ZNF804A: variants seen among roughly 807,000 people sequenced by gnomAD.
The protein encoded by ZNF804A is zinc finger protein 804A.
A neutral mutation model predicts 16.5 loss-of-function variants in ZNF804A; 2 were observed. That is an observed-to-expected ratio of 0.12 (90% CI 0.05 to 0.38). The LOEUF (loss-of-function observed/expected upper bound fraction) is 0.38. ZNF804A is among the 10% of genes least tolerant of loss of function. ZNF804A has a pLI of 0.99. For synonymous variants in ZNF804A, 534 were observed against 489.6 expected, an observed-to-expected ratio of 1.09 and a Z score of -1.20; for missense variants, 1,473 against 1,390.7, an observed-to-expected ratio of 1.06 and a Z score of -0.94.
intron 1 of ZNF804A, among the ~76,000 whole-genome samples, chr2:184,823,185 G>A (rs1695108528): frequency 1.3e-5 from 2 of 152,138 alleles, no homozygotes; most frequent in South Asian, 4.1e-4. Context: ...CTCTGGAGGG[G>A]AGGATTACAG....
intron 1 of ZNF804A, among the ~76,000 whole-genome samples, chr2:184,820,685 A>G (rs563418305): frequency 6.6e-6 from 1 of 152,232 alleles, no homozygotes; most frequent in Admixed American, 6.6e-5. Context: ...TTCAGCCCAG[A>G]AGCTTCTTAA....
rs922643337 is a variant in ZNF804A, at chr2:184,857,650, C to T, written c.112-8719C>T. Reference sequence around the variant, plus strand: ...ATTTAATATTAGTTTTATGTATTTACACACTACAATATTTATATGTTTATA... The same window carrying T: ...ATTTAATATTAGTTTTATGTATTTATACACTACAATATTTATATGTTTATA... On this transcript the variant is annotated intron_variant, in intron 1 of 3. Coordinates refer to ENST00000302277, the MANE Select transcript of ZNF804A (RefSeq NM_194250.2). Among the ~76,000 whole-genome samples the T allele has an allele frequency of 3.3e-5, 5 of 152,198 alleles. No homozygotes were observed. The South Asian group carries it at 6.2e-4, about 19-fold the overall frequency.
intron 1 of ZNF804A, among the ~76,000 whole-genome samples, chr2:184,863,455 A>G (rs1452723487): frequency 6.6e-6 from 1 of 152,046 alleles, no homozygotes; most frequent in Non-Finnish European, 1.5e-5. Flanking sequence ...GAAGAATGCA[A>G]TTTGACCAAG....
At chr2:184,706,934 T>C (rs207462716) in intron 1 of ZNF804A, among the ~76,000 whole-genome samples, 1 of 152,216 alleles carries the variant, frequency 6.6e-6, no homozygotes, top group Non-Finnish European at 1.5e-5. Flanking sequence ...AGTTTATATG[T>C]GTATTTCAAT....
chr2:184,827,067 T>C (rs1208980154), intron 1 of ZNF804A, among the ~76,000 whole-genome samples: 1 of 151,936 alleles, frequency 6.6e-6, no homozygotes, highest in Non-Finnish European at 1.5e-5. Flanking sequence ...AGTTAAGATC[T>C]CTAAATATCT....
At chr2:184,877,993 C>T (rs944042380) in intron 2 of ZNF804A, among the ~76,000 whole-genome samples, 3 of 152,084 alleles carry the variant, frequency 2.0e-5, no homozygotes, top group Non-Finnish European at 4.4e-5. Context: ...TACAAAGATA[C>T]AAAGAAAGTA....
At chr2:184,857,682 T>C (rs1319740102) in intron 1 of ZNF804A, among the ~76,000 whole-genome samples, 1 of 152,220 alleles carries the variant, frequency 6.6e-6, no homozygotes, top group Non-Finnish European at 1.5e-5. Flanking sequence ...TATATTGTTA[T>C]AGCCTCTACT....
At chr2:184,752,150 A>T (rs187761889) in intron 1 of ZNF804A, among the ~76,000 whole-genome samples, 14 of 151,730 alleles carry the variant, frequency 9.2e-5, no homozygotes, top group Admixed American at 4.6e-4. Flanking sequence ...AAGGAAAAGA[A>T]ATAATTATAT....
At chr2:184,795,505 C>G (rs1375337458) in intron 1 of ZNF804A, among the ~76,000 whole-genome samples, 1 of 151,856 alleles carries the variant, frequency 6.6e-6, no homozygotes, top group Non-Finnish European at 1.5e-5. Flanking sequence ...GGTCACACCT[C>G]AAGGAACTAG....
chr2:184,840,318 A>T (rs1695416808), intron 1 of ZNF804A, among the ~76,000 whole-genome samples: 1 of 152,170 alleles, frequency 6.6e-6, no homozygotes, highest in Non-Finnish European at 1.5e-5. Context: ...TGGGAGGCGG[A>T]TGATGCAGCG....
chr2:184,790,686 C>T (rs565550339), intron 1 of ZNF804A, among the ~76,000 whole-genome samples: 1 of 152,188 alleles, frequency 6.6e-6, no homozygotes, highest in African/African-American at 2.4e-5. Flanking sequence ...TCACTGCAAG[C>T]TCCCCCTCCT....
At chr2:184,618,864 A>T (rs1691373299) in intron 1 of ZNF804A, among the ~76,000 whole-genome samples, 1 of 152,100 alleles carries the variant, frequency 6.6e-6, no homozygotes, top group African/African-American at 2.4e-5. Flanking sequence ...TTTGCAGTAC[A>T]CGTTTATAGA....
At chr2:184,619,690 G>A (rs1691387170) in intron 1 of ZNF804A, among the ~76,000 whole-genome samples, 1 of 151,892 alleles carries the variant, frequency 6.6e-6, no homozygotes, top group Non-Finnish European at 1.5e-5. Flanking sequence ...TATCTAGCCA[G>A]AAGTTATACA....
chr2:184,916,981 T>C (rs901669713), intron 2 of ZNF804A, among the ~76,000 whole-genome samples: 1 of 152,218 alleles, frequency 6.6e-6, no homozygotes, highest in African/African-American at 2.4e-5. Flanking sequence ...TCTGCTCTGC[T>C]TCAATTGATT....
At chr2:184,629,552 A>G (rs1338268397) in intron 1 of ZNF804A, among the ~76,000 whole-genome samples, 1 of 152,192 alleles carries the variant, frequency 6.6e-6, no homozygotes, top group Non-Finnish European at 1.5e-5. Context: ...ATAATAGAAA[A>G]TAGTTAATAC....
At chr2:184,677,033 G>C (rs2105716360) in intron 1 of ZNF804A, among the ~76,000 whole-genome samples, 1 of 151,540 alleles carries the variant, frequency 6.6e-6, no homozygotes, top group South Asian at 2.1e-4. Context: ...AACTTTTCAA[G>C]AACATTGTAC....
chr2:184,761,401 C>G (rs1300658991), intron 1 of ZNF804A, among the ~76,000 whole-genome samples: 4 of 152,086 alleles, frequency 2.6e-5, no homozygotes, highest in Non-Finnish European at 4.4e-5. Flanking sequence ...AGGTAAGGCT[C>G]AAACTTGAAG....
chr2:184,738,504 A>G (rs1304237274), intron 1 of ZNF804A, among the ~76,000 whole-genome samples: 2 of 152,226 alleles, frequency 1.3e-5, no homozygotes, highest in Non-Finnish European at 2.9e-5. Context: ...TAAATGGTTT[A>G]CTGTACAAAG....
chr2:184,705,729 TAAC>T (rs1315859978), intron 1 of ZNF804A, among the ~76,000 whole-genome samples: 1 of 152,036 alleles, frequency 6.6e-6, no homozygotes, highest in Non-Finnish European at 1.5e-5. Flanking sequence ...TACACACACA[TAAC>T]ACACACACAC....
Sources: allele counts gnomAD v4.1 joint callset (sites outside exome capture counted in the v4.1 genomes callset), GRCh38; gene constraint gnomAD v4.1.1; transcripts MANE v1.5; gene names NCBI Gene and HGNC (gene_info 2026-07-23, HGNC 2026-07-21).